RPS6KC1: variants seen among roughly 807,000 people sequenced by gnomAD.
RPS6KC1 encodes ribosomal protein S6 kinase C1, also known as inactive ribosomal protein S6 kinase delta-1.
Under a neutral mutation model 103.8 loss-of-function variants are expected in RPS6KC1, and 54 were observed. That is an observed-to-expected ratio of 0.52 (90% CI 0.42 to 0.65). The LOEUF is 0.65. RPS6KC1 is among the 30% of genes least tolerant of loss of function. RPS6KC1 has a pLI of 0.00. For missense variants in RPS6KC1, 1,151 were observed against 1,253.8 expected (o/e 0.92, Z 1.24); for synonymous variants, 439 against 438.7 (o/e 1.00, Z -0.01).
the RPS6KC1 span, among the ~76,000 whole-genome samples, chr1:213,591,038 A>G: frequency 6.6e-6 from 1 of 152,030 alleles, no homozygotes; most frequent in African/African-American, 2.4e-5. Flanking sequence ...ATGAGCTGGC[A>G]CTTCTGCTAG....
chr1:213,327,016 T>C, the RPS6KC1 span, among the ~76,000 whole-genome samples: 1 of 152,158 alleles, frequency 6.6e-6, no homozygotes. Flanking sequence ...CTCCCAACTT[T>C]TGTTCTTCCT....
the RPS6KC1 span, among the ~76,000 whole-genome samples, chr1:213,524,089 A>T: frequency 6.6e-6 from 1 of 152,152 alleles, no homozygotes; most frequent in Admixed American, 6.5e-5. Flanking sequence ...TGGTCCTATT[A>T]TGTCAGAATG....
At chr1:213,582,171 T>C in the RPS6KC1 span, among the ~76,000 whole-genome samples, 18 of 150,444 alleles carry the variant, frequency 1.2e-4, no homozygotes, top group African/African-American at 2.2e-4. Flanking sequence ...TGGGAATTTA[T>C]TGAATACGTG....
chr1:213,622,813 T>C, the RPS6KC1 span, among the ~76,000 whole-genome samples: 3 of 152,130 alleles, frequency 2.0e-5, no homozygotes, highest in Admixed American at 6.5e-5. Context: ...CCGGGCTTAA[T>C]GTCAAAGGAA....
chr1:213,798,434 C>T, the RPS6KC1 span, among the ~76,000 whole-genome samples: 2 of 152,174 alleles, frequency 1.3e-5, no homozygotes, highest in Admixed American at 6.5e-5. Flanking sequence ...ATAACTATTG[C>T]AGAGGTGTGC....
At chr1:213,153,012 TG>T (rs2089407299) in intron 6 of RPS6KC1, among the ~76,000 whole-genome samples, 1 of 152,118 alleles carries the variant, frequency 6.6e-6, no homozygotes, top group Non-Finnish European at 1.5e-5. Context: ...CCGAGGCTGG[TG>T]GATCACGTGC....
At chr1:213,208,822 T>A (rs1052105253) in intron 8 of RPS6KC1, among the ~76,000 whole-genome samples, 1 of 151,614 alleles carries the variant, frequency 6.6e-6, no homozygotes, top group Non-Finnish European at 1.5e-5. Flanking sequence ...GTCTTCTGCT[T>A]GTGTAGAAAA....
At chr1:213,675,862 G>A in the RPS6KC1 span, among the ~76,000 whole-genome samples, 3 of 137,896 alleles carry the variant, frequency 2.2e-5, no homozygotes, top group Non-Finnish European at 4.7e-5. Context: ...GGGAAACAGA[G>A]CAAGACTCTG....
the RPS6KC1 span, among the ~76,000 whole-genome samples, chr1:213,809,367 C>T: frequency 3.7e-3 from 560 of 152,196 alleles, 3 homozygotes; most frequent in Non-Finnish European, 6.0e-3. Context: ...TTACAGATCA[C>T]CATACCAGAT....
the RPS6KC1 span, among the ~76,000 whole-genome samples, chr1:213,480,348 T>C: frequency 2.0e-5 from 3 of 152,220 alleles, no homozygotes; most frequent in Middle Eastern, 6.8e-3. Context: ...ACTTTGGTAG[T>C]GACCTGTTGT....
chr1:213,613,122 G>A, the RPS6KC1 span, among the ~76,000 whole-genome samples: 1 of 152,192 alleles, frequency 6.6e-6, no homozygotes, highest in South Asian at 2.1e-4. Flanking sequence ...AATTCATTAA[G>A]ATGTCAGCAC....
chr1:213,177,977 G>A (rs2148319329), intron 8 of RPS6KC1, among the ~76,000 whole-genome samples: 1 of 152,010 alleles, frequency 6.6e-6, no homozygotes, highest in African/African-American at 2.4e-5. Flanking sequence ...GCCGAGGTGG[G>A]CAGATCACTT....
chr1:213,860,495 G>A, the RPS6KC1 span, among the ~76,000 whole-genome samples: 1 of 152,186 alleles, frequency 6.6e-6, no homozygotes, highest in East Asian at 1.9e-4. Context: ...GTGGAAGTAG[G>A]GTAGAGGAAA....
At chr1:213,287,978 A>C in the RPS6KC1 span, among the ~76,000 whole-genome samples, 69,360 of 151,982 alleles carry the variant, frequency 0.46, 19,009 homozygotes, top group East Asian at 0.66. Flanking sequence ...TAGTAATAGT[A>C]ACTGCTAAAT....
chr1:213,820,116 A>G, the RPS6KC1 span: 1 of 152,178 alleles, frequency 6.6e-6, no homozygotes, highest in African/African-American at 2.4e-5. Context: ...GACAGCACTG[A>G]GACGGACAAG....
chr1:213,152,395 C>T (rs2089255769), intron 6 of RPS6KC1, among the ~76,000 whole-genome samples: 1 of 150,498 alleles, frequency 6.6e-6, no homozygotes, highest in Admixed American at 6.6e-5. Context: ...CCCCACCTCC[C>T]TCCCGGACGG....
chr1:213,723,458 T>A, the RPS6KC1 span, among the ~76,000 whole-genome samples: 1 of 152,310 alleles, frequency 6.6e-6, no homozygotes, highest in African/African-American at 2.4e-5. Flanking sequence ...GCCTTCTTGC[T>A]CTATCTTCCA....
chr1:213,840,348 T>A, the RPS6KC1 span, among the ~76,000 whole-genome samples: 1 of 152,228 alleles, frequency 6.6e-6, no homozygotes, highest in African/African-American at 2.4e-5. Context: ...ACACTCAGTA[T>A]GTGCTGGGCA....
the RPS6KC1 span, among the ~76,000 whole-genome samples, chr1:213,547,264 C>T: frequency 1.6e-4 from 24 of 152,264 alleles, no homozygotes; most frequent in Middle Eastern, 3.4e-3. Flanking sequence ...ACATGTGAGT[C>T]TGACTTTGAA....
Sources: gnomAD v4.1 joint callset for allele counts (sites outside exome capture counted in the v4.1 genomes callset) on GRCh38, gnomAD v4.1.1 for gene constraint, MANE v1.5 for transcripts, NCBI Gene and HGNC (gene_info 2026-07-23, HGNC 2026-07-21) for gene names.